The following RORC variants were observed in gnomAD, a reference collection of about 807,000 sequenced individuals.
The protein encoded by RORC is RAR related orphan receptor C, also known as nuclear receptor ROR-gamma.
Under a neutral mutation model 64.5 loss-of-function variants are expected in RORC, and 13 were observed. That is an observed-to-expected ratio of 0.20 (90% CI 0.13 to 0.32). The LOEUF is 0.32. RORC is among the 10% of genes least tolerant of loss of function. The pLI, the probability that RORC is intolerant of heterozygous loss-of-function variation, is 1.00. For missense variants in RORC, 468 were observed against 669.5 expected (o/e 0.70, Z 3.32); for synonymous variants, 277 against 259.3 (o/e 1.07, Z -0.65).
chr1:151,817,404 T>A lies in RORC; in HGVS notation c.71-124A>T, dbSNP rs1651806583. 26 of 673,456 alleles carry A rather than the reference T, an allele frequency of 3.9e-5. No individual in the cohort carries two copies. In the South Asian group the frequency reaches 4.1e-4, roughly 11 times the overall value. The allele number at this position is 673,456 out of a possible 1,614,324, so 41.7% of individuals were successfully genotyped here. On this transcript the variant is annotated intron_variant, in intron 2 of 10. Transcript: ENST00000318247. ...ACTTCTCCAACCAGCTCCAGCTTGC[T>A]GTTTCCCTCTTGCAAAATGGAAGGG...
Position 151,830,621 on chromosome 1 carries a change from TACACACACAC to T in RORC, c.40+1094_40+1103del, listed in dbSNP as rs1553293049. Among the ~76,000 whole-genome samples the T allele has an allele frequency of 0.026, 1,495 of 57,184 alleles. 19 individuals are homozygous for T. Among genetic ancestry groups the T allele is most frequent in the Non-Finnish European group, 0.052 (1,060 of 20,258 alleles). 37.5% of individuals were successfully genotyped at this position (57,184 alleles called of 152,430 possible). The stretch of plus-strand genomic sequence containing the variant: ...TGCTGTTCAGTCTTGACACCTGACA[TACACACACAC>T]ACACACACACACACACACACACACA... On this transcript the variant is annotated intron_variant, in intron 1 of 10. Coordinates refer to ENST00000318247, the MANE Select transcript of RORC (RefSeq NM_005060.4). This position sits in a 1 kb window ranked among gnomAD's most constrained non-coding sequence, Gnocchi z 4.0.
chr1:151,821,466 A>G (rs1282795080), intron 2 of RORC, among the ~76,000 whole-genome samples: 2 of 152,204 alleles, frequency 1.3e-5, no homozygotes, highest in Non-Finnish European at 2.9e-5. Context: ...ATAATGATAG[A>G]CATAAGCATT....
In RORC at chr1:151,806,207, C is replaced by T. The variant is rs9017; in HGVS notation, c.*1265G>A. 0.59 allele frequency: 90,465 copies of T among 152,836 alleles called. 27,390 individuals carry two copies. The highest frequency in any genetic ancestry group is 0.65 in the Non-Finnish European group (44,115 of 67,944). 9.5% of individuals were successfully genotyped at this position (152,836 alleles called of 1,614,324 possible). A position where few individuals can be genotyped will look rare whatever the true frequency, so the allele number is the denominator to read the frequency against. On this transcript the variant is annotated 3_prime_UTR_variant, in exon 11 of 11. Transcript: ENST00000318247. Reference sequence around the variant, plus strand: ...GACTGCCCATCATTGCTGTTAATCCCTCAGGGGAGGGTTCACAGCTGTTTA... The same window carrying T: ...GACTGCCCATCATTGCTGTTAATCCTTCAGGGGAGGGTTCACAGCTGTTTA...
At chr1:151,823,797 T>C (rs1295670899) in intron 2 of RORC, among the ~76,000 whole-genome samples, 1 of 152,144 alleles carries the variant, frequency 6.6e-6, no homozygotes, top group African/African-American at 2.4e-5. Context: ...CACGCCACCA[T>C]GCCCAGCGAA....
At chr1:151,808,903 A>C (rs1235659699) in intron 10 of RORC, among the ~76,000 whole-genome samples, 3 of 152,234 alleles carry the variant, frequency 2.0e-5, no homozygotes, top group African/African-American at 7.2e-5. Flanking sequence ...GGTGACTACA[A>C]TAGCAGGTAC....
At chr1:151,809,263 T>C (rs1651427868) in intron 10 of RORC, among the ~76,000 whole-genome samples, 2 of 151,760 alleles carry the variant, frequency 1.3e-5, no homozygotes, top group Admixed American at 6.6e-5. Flanking sequence ...GCCGGGCGTG[T>C]AATCCCTGTA....
chr1:151,813,017 G>C lies in RORC; in HGVS notation c.1215C>G (p.His405Gln), dbSNP rs906824086. 2.5e-6 allele frequency: 4 copies of C among 1,614,024 alleles called. No homozygotes were observed. The African/African-American group carries it at 5.3e-5, about 22-fold the overall frequency. Residue 405 changes from histidine to glutamine, a missense_variant, in exon 9 of 11, where the codon CAC becomes CAG. His to Gln is a conservative substitution (Grantham distance 24, BLOSUM62 0). This residue lies in a region of RORC where 100 missense variants were observed against 190.8 expected (regional missense o/e 0.52). Transcript: ENST00000318247. ...ELISSIFDFS[H>Q]SLSALHFSED... is the part of the protein sequence containing the mutation. ...CGGAAAAGTGCAAGGCACTTAGGGA[G>C]TGGGAGAAGTCAAAGATGGAGCTGA...
At chr1:151,820,570 G>A (rs1026882527) in intron 2 of RORC, among the ~76,000 whole-genome samples, 2 of 152,170 alleles carry the variant, frequency 1.3e-5, no homozygotes, top group East Asian at 1.9e-4. Flanking sequence ...TGCTGTCTTG[G>A]AAAGATCTTT....
intron 1 of RORC, chr1:151,831,517 C>A (rs1360766753): frequency 2.6e-6 from 1 of 380,840 alleles, no homozygotes; most frequent in East Asian, 1.6e-4. Context: ...TGTTTCTCTC[C>A]TTTTGCGATT....
intron 10 of RORC, among the ~76,000 whole-genome samples, chr1:151,810,983 T>C (rs1651501768): frequency 6.6e-6 from 1 of 152,192 alleles, no homozygotes; most frequent in African/African-American, 2.4e-5. Context: ...CACAGATCTC[T>C]TCTTCATACC....
At chr1:151,821,305 A>C (rs369187801) in intron 2 of RORC, among the ~76,000 whole-genome samples, 59 of 151,184 alleles carry the variant, frequency 3.9e-4, no homozygotes, top group African/African-American at 1.1e-3. Context: ...CAGAACCACC[A>C]CCCCCCCACC....
intron 2 of RORC, chr1:151,825,931 T>C (rs202115695): frequency 4.3e-6 from 7 of 1,613,850 alleles, no homozygotes; most frequent in East Asian, 2.2e-5. Flanking sequence ...TTCACTTACT[T>C]CTCATGACTG....
At chr1:151,816,540 G>T in intron 4 of RORC, 124 bp downstream of exon 4, 3 of 1,005,048 alleles carry the variant, frequency 3.0e-6, no homozygotes, top group Non-Finnish European at 4.2e-6. Flanking sequence ...TTGTAACGGG[G>T]AGGAATGGAG....
At chr1:151,826,380 C>T (rs1194393791) in intron 2 of RORC, among the ~76,000 whole-genome samples, 1 of 152,212 alleles carries the variant, frequency 6.6e-6, no homozygotes, top group Non-Finnish European at 1.5e-5. Context: ...CTCCTCCTAC[C>T]CCCGAGGACC....
At chr1:151,829,160 C>T (rs554098682) in intron 2 of RORC, among the ~76,000 whole-genome samples, 27 of 151,190 alleles carry the variant, frequency 1.8e-4, no homozygotes, top group African/African-American at 4.4e-4. Flanking sequence ...CATTTCTCCT[C>T]GCCTTTTTTC....
chr1:151,807,697 C>G lies in RORC; in HGVS notation c.1396-64G>C, dbSNP rs533665141. On this transcript the variant is annotated intron_variant, in intron 10 of 10. Coordinates refer to ENST00000318247, the MANE Select transcript of RORC (RefSeq NM_005060.4). This position sits in a 1 kb window ranked among gnomAD's most constrained non-coding sequence, Gnocchi z 5.0. ...CAGCTCTCCTCAGAGCAAAGAAGTC[C>G]GCTCATTCTTCCTGGGCTAGGACAA... is the stretch of plus-strand genomic sequence containing the variant. 3 of 1,560,298 alleles carry G rather than the reference C, an allele frequency of 1.9e-6. No individual in the cohort carries two copies. The highest frequency in any genetic ancestry group is 2.6e-6 in the Non-Finnish European group (3 of 1,142,060).
chr1:151,831,042 C>T (rs1436503554), intron 1 of RORC: 6 of 1,289,332 alleles, frequency 4.7e-6, no homozygotes, highest in East Asian at 1.1e-4. Flanking sequence ...CGATCCTGCT[C>T]TGAGGGGGTT....
At chr1:151,819,236 T>A (rs187490332) in intron 2 of RORC, among the ~76,000 whole-genome samples, 1 of 152,358 alleles carries the variant, frequency 6.6e-6, no homozygotes, top group African/African-American at 2.4e-5. Context: ...ATACTTCTAG[T>A]CACTTAGATT....
Position 151,807,413 on chromosome 1 carries a change from G to A in RORC, c.*59C>T, listed in dbSNP as rs41263728. On this transcript the variant is annotated 3_prime_UTR_variant, in exon 11 of 11. Transcript: ENST00000318247. This position sits in a 1 kb window ranked among gnomAD's most constrained non-coding sequence, Gnocchi z 5.0. Reference sequence around the variant, plus strand: ...GAAAGGAAAAGGGTGAGGGTGGAACGGGGTCCAGGGAGGTGGGCCAGCAGG... The same window carrying A: ...GAAAGGAAAAGGGTGAGGGTGGAACAGGGTCCAGGGAGGTGGGCCAGCAGG... 5,424 of 1,552,300 alleles carry A rather than the reference G, an allele frequency of 3.5e-3. 16 individuals are homozygous for A. The highest frequency in any genetic ancestry group is 4.2e-3 in the Non-Finnish European group (4,702 of 1,131,284).
Sources: gnomAD v4.1 joint callset for allele counts (sites outside exome capture counted in the v4.1 genomes callset) on GRCh38, gnomAD v4.1.1 for gene constraint, gnomAD v4.1.1 regional missense constraint, Gnocchi (gnomAD v3.1) non-coding constraint, MANE v1.5 for transcripts, NCBI Gene and HGNC (gene_info 2026-07-23, HGNC 2026-07-21) for gene names.